Variants in MEI4 observed in about 807,000 individuals in gnomAD.
The protein encoded by MEI4 is meiotic double-stranded break formation protein 4, also known as meiosis-specific protein MEI4.
A neutral mutation model predicts 31.4 loss-of-function variants in MEI4; 27 were observed. The observed-to-expected ratio is 0.86, with a 90% CI of 0.63 to 1.19. The LOEUF (loss-of-function observed/expected upper bound fraction) is 1.19. MEI4 is among the 50% of genes most tolerant of loss of function. MEI4 has a pLI of 0.00. For synonymous variants in MEI4, 122 were observed against 145.4 expected, an observed-to-expected ratio of 0.84 and a Z score of 1.16; for missense variants, 329 against 398.9, an observed-to-expected ratio of 0.82 and a Z score of 1.49.
rs1331168082 is a variant in MEI4, at chr6:77,805,154, A to T, written c.769-23777A>T. On this transcript the variant is annotated intron_variant, in intron 3 of 4. Coordinates refer to ENST00000684080, the MANE Select transcript of MEI4 (RefSeq NM_001322247.2). ...AAAAATACCTTTGGGTTGGAAAGGT[A>T]AATAATATGTAAAAATATGATAAAA... is the stretch of plus-strand genomic sequence containing the variant. Among the ~76,000 whole-genome samples the T allele has an allele frequency of 2.0e-5, 3 of 152,280 alleles. No homozygotes were observed. The East Asian group carries it at 5.8e-4, about 29-fold the overall frequency.
chr6:77,814,623 C>G (rs192675225), intron 3 of MEI4, among the ~76,000 whole-genome samples: 20 of 152,200 alleles, frequency 1.3e-4, no homozygotes, highest in Admixed American at 1.2e-3. Context: ...GTTCCTAAAA[C>G]GTTAAACATT....
chr6:77,923,024 T>C (rs1243778092), intron 4 of MEI4, 65 bp from the exon 5 acceptor site: 3 of 996,616 alleles, frequency 3.0e-6, no homozygotes, highest in Non-Finnish European at 3.9e-6. Flanking sequence ...CTGATATCTT[T>C]ATATGACATT....
At chr6:77,704,405 GA>G (rs1766287782) in intron 2 of MEI4, among the ~76,000 whole-genome samples, 1 of 152,130 alleles carries the variant, frequency 6.6e-6, no homozygotes, top group Admixed American at 6.6e-5. Flanking sequence ...TATAGATAAG[GA>G]AATGAGGAAA....
intron 4 of MEI4, among the ~76,000 whole-genome samples, chr6:77,869,996 G>A (rs1021302252): frequency 7.2e-5 from 11 of 151,990 alleles, no homozygotes; most frequent in African/African-American, 2.4e-4. Context: ...AGCTCTGGCT[G>A]GACACAGACA....
chr6:77,687,542 G>C (rs1161371232), intron 1 of MEI4, among the ~76,000 whole-genome samples: 1 of 152,098 alleles, frequency 6.6e-6, no homozygotes, highest in Non-Finnish European at 1.5e-5. Context: ...AGTTCCATCA[G>C]ACTGCACTCA....
chr6:77,775,254 AGTC>A (rs1768410256), intron 3 of MEI4, among the ~76,000 whole-genome samples: 1 of 152,148 alleles, frequency 6.6e-6, no homozygotes, highest in South Asian at 2.1e-4. Context: ...TAAGTTCTTT[AGTC>A]GTCATTTCTG....
chr6:77,858,855 C>A (rs1301250681), intron 4 of MEI4, among the ~76,000 whole-genome samples: 1 of 149,850 alleles, frequency 6.7e-6, no homozygotes, highest in Admixed American at 6.7e-5. Flanking sequence ...ATCTTAGGCA[C>A]CTTTAATGGA....
chr6:77,736,692 A>G (rs1299006376), intron 2 of MEI4, among the ~76,000 whole-genome samples: 2 of 152,044 alleles, frequency 1.3e-5, no homozygotes, highest in African/African-American at 2.4e-5. Context: ...GTACAAAACA[A>G]TGTAGAAAAT....
At chr6:77,742,140 G>A (rs1056918559) in intron 2 of MEI4, among the ~76,000 whole-genome samples, 15 of 152,034 alleles carry the variant, frequency 9.9e-5, no homozygotes, top group East Asian at 3.9e-4. Flanking sequence ...ATACCCAGTA[G>A]TGGGATGGCT....
intron 4 of MEI4, among the ~76,000 whole-genome samples, chr6:77,870,437 A>G (rs1771162865): frequency 6.6e-6 from 1 of 152,206 alleles, no homozygotes; most frequent in South Asian, 2.1e-4. Context: ...ATGCCAAGGA[A>G]ATGAACAAAA....
At chr6:77,739,642 G>T (rs577813680) in intron 2 of MEI4, among the ~76,000 whole-genome samples, 1 of 152,010 alleles carries the variant, frequency 6.6e-6, no homozygotes, top group Admixed American at 6.6e-5. Context: ...TAGATGATGG[G>T]TTGATAGGTA....
chr6:77,760,182 A>G (rs1768009062), intron 2 of MEI4, among the ~76,000 whole-genome samples: 1 of 152,092 alleles, frequency 6.6e-6, no homozygotes, highest in South Asian at 2.1e-4. Flanking sequence ...CCACATACAC[A>G]CACATGTGTA....
At chr6:77,765,121 A>G (rs1291724858) in intron 3 of MEI4, among the ~76,000 whole-genome samples, 1 of 152,210 alleles carries the variant, frequency 6.6e-6, no homozygotes, top group Non-Finnish European at 1.5e-5. Context: ...CTAACCTCCA[A>G]GTTCTACATC....
chr6:77,770,011 C>T (rs1429753807), intron 3 of MEI4, among the ~76,000 whole-genome samples: 1 of 151,670 alleles, frequency 6.6e-6, no homozygotes, highest in Non-Finnish European at 1.5e-5. Context: ...AGCCTGGTAC[C>T]AGCTTGGCCG....
chr6:77,865,501 C>G (rs948626574), intron 4 of MEI4, among the ~76,000 whole-genome samples: 3 of 152,154 alleles, frequency 2.0e-5, no homozygotes, highest in Non-Finnish European at 2.9e-5. Context: ...AACTCCTCGA[C>G]AAATACACTC....
At chr6:77,823,643 A>G (rs1769879219) in intron 3 of MEI4, among the ~76,000 whole-genome samples, 1 of 148,364 alleles carries the variant, frequency 6.7e-6, no homozygotes, top group Non-Finnish European at 1.5e-5. Flanking sequence ...CAAACTTCCC[A>G]CAAATAACAT....
intron 2 of MEI4, among the ~76,000 whole-genome samples, chr6:77,694,355 G>A (rs1364251414): frequency 6.6e-6 from 1 of 151,948 alleles, no homozygotes; most frequent in Non-Finnish European, 1.5e-5. Flanking sequence ...TTGGTGTGCT[G>A]CACCCATTAA....
chr6:77,922,152 A>G (rs1373253886), intron 4 of MEI4, among the ~76,000 whole-genome samples: 1 of 151,742 alleles, frequency 6.6e-6, no homozygotes, highest in Non-Finnish European at 1.5e-5. Flanking sequence ...GTTGAAGAAT[A>G]TATTTGTCTC....
At chr6:77,851,024 A>G (rs1001884411) in intron 4 of MEI4, among the ~76,000 whole-genome samples, 6 of 152,228 alleles carry the variant, frequency 3.9e-5, no homozygotes, top group South Asian at 2.1e-4. Flanking sequence ...CAGCCAAAAG[A>G]CACATGAAAA....
Sources: gnomAD v4.1 joint callset for allele counts (sites outside exome capture counted in the v4.1 genomes callset) on GRCh38, gnomAD v4.1.1 for gene constraint, MANE v1.5 for transcripts, NCBI Gene and HGNC (gene_info 2026-07-23, HGNC 2026-07-21) for gene names.